FREM1: variants seen among roughly 807,000 people sequenced by gnomAD.
FREM1 encodes FRAS1-related extracellular matrix protein 1.
FREM1 carries 220 observed loss-of-function variants against 210.1 expected under a neutral mutation model. The observed-to-expected ratio is 1.05, with a 90% CI of 0.94 to 1.17. The LOEUF (loss-of-function observed/expected upper bound fraction) is 1.17, where lower values mean the gene tolerates loss of function less well. Among genes scored for constraint, FREM1 ranks in the 50% most tolerant of loss-of-function variants. FREM1 has a pLI of 0.00. For synonymous variants in FREM1, 1,189 were observed against 980.2 expected (o/e 1.21, Z -3.98); for missense variants, 3,454 against 2,675.5 (o/e 1.29, Z -6.42).
chr9:14,825,729 T>C lies in FREM1; in HGVS notation c.1882-737A>G, dbSNP rs191099881. Among the ~76,000 whole-genome samples the C allele has an allele frequency of 2.0e-5, 3 of 151,902 alleles. No homozygotes were observed. In the East Asian group the frequency reaches 5.8e-4, roughly 29 times the overall value. ...GTCATCAATCTTAGAAACCTTGACA[T>C]GAATTTTGGTTCCTCCTTCTCCACC... On this transcript the variant is annotated intron_variant, in intron 10 of 36. Transcript: ENST00000380880.
intron 27 of FREM1, among the ~76,000 whole-genome samples, chr9:14,767,319 A>G (rs1846613929): frequency 6.6e-6 from 1 of 152,170 alleles, no homozygotes; most frequent in African/African-American, 2.4e-5. Flanking sequence ...TGGGTGGCCA[A>G]TGTCTGAAGA....
intron 1 of FREM1, among the ~76,000 whole-genome samples, chr9:14,897,222 C>A (rs141478364): frequency 4.6e-5 from 7 of 152,204 alleles, no homozygotes; most frequent in Admixed American, 2.0e-4. Context: ...ATTTAACCTT[C>A]ACTACAATGT....
chr9:14,783,374 C>T (rs1849925284), intron 24 of FREM1, among the ~76,000 whole-genome samples: 2 of 152,090 alleles, frequency 1.3e-5, no homozygotes, highest in Non-Finnish European at 2.9e-5. Context: ...GGAGTATGCT[C>T]CATTTATGTT....
Position 14,868,791 on chromosome 9 carries a change from C to A in FREM1, c.187G>T (p.Val63Leu). 6.2e-7 allele frequency: 1 copy of A among 1,613,104 alleles called. No homozygotes were observed. Among genetic ancestry groups the A allele is most frequent in the Non-Finnish European group, 8.5e-7 (1 of 1,179,528 alleles). The change falls in exon 2 of 37, where the codon GTG (valine) becomes TTG (leucine). Residue 63 changes from valine (V) to leucine (L), a missense_variant. Physicochemically the swap from Val to Leu is conservative, Grantham distance 32. Transcript: ENST00000380880. Reference protein sequence around the residue: ...KEKDACKVEVVMNEPITQRVG... With the variant: ...KEKDACKVEVLMNEPITQRVG... ...CTCTGGGTTATTGGCTCATTCATCA[C>A]AACTTCCACTTTGCAGGCATCTTTC...
At chr9:14,737,718 G>GA in intron 36 of FREM1, 123 bp from the exon 37 acceptor site, 1 of 734,402 alleles carries the variant, frequency 1.4e-6, no homozygotes, top group South Asian at 3.1e-5. Flanking sequence ...TAAAACAAGG[G>GA]ATAGGAACTT....
At chr9:14,882,452 T>G (rs1012723259) in intron 1 of FREM1, among the ~76,000 whole-genome samples, 2 of 149,792 alleles carry the variant, frequency 1.3e-5, no homozygotes, top group Non-Finnish European at 2.9e-5. Flanking sequence ...ATTTTTTTAA[T>G]TTTCTTCTTA....
At chr9:14,805,356 A>G (rs1471312181) in intron 18 of FREM1, among the ~76,000 whole-genome samples, 2 of 152,240 alleles carry the variant, frequency 1.3e-5, no homozygotes, top group East Asian at 3.8e-4. Context: ...ATACAGAAGA[A>G]TAAAATTTGC....
intron 22 of FREM1, among the ~76,000 whole-genome samples, chr9:14,789,935 A>C (rs773684012): frequency 1.4e-4 from 22 of 152,350 alleles, no homozygotes; most frequent in Middle Eastern, 3.4e-3. Context: ...TTCCCTAGGA[A>C]TGGCTCATAA....
intron 20 of FREM1, among the ~76,000 whole-genome samples, chr9:14,798,351 T>C (rs767094882): frequency 5.3e-5 from 8 of 152,310 alleles, no homozygotes; most frequent in Non-Finnish European, 8.8e-5. Context: ...GGTGAGCGCC[T>C]GTAGTCCTAA....
chr9:14,829,079 A>G (rs530640889), intron 10 of FREM1, among the ~76,000 whole-genome samples: 1 of 152,352 alleles, frequency 6.6e-6, no homozygotes, highest in East Asian at 1.9e-4. Flanking sequence ...AATAAATACT[A>G]CATTCGTCTC....
chr9:14,777,992 T>C (rs187251199), intron 24 of FREM1, among the ~76,000 whole-genome samples: 1 of 152,238 alleles, frequency 6.6e-6, no homozygotes, highest in African/African-American at 2.4e-5. Context: ...TCTGATTTGA[T>C]GCAAAGAAAA....
intron 13 of FREM1, among the ~76,000 whole-genome samples, chr9:14,820,718 C>T (rs1821141883): frequency 6.6e-6 from 1 of 152,198 alleles, no homozygotes; most frequent in South Asian, 2.1e-4. Context: ...TAATCAACTA[C>T]CAATGCAAAA....
intron 25 of FREM1, 142 bp downstream of exon 25, chr9:14,775,647 G>C (rs571862225): frequency 1.7e-6 from 1 of 601,462 alleles, no homozygotes; most frequent in South Asian, 2.2e-5. Flanking sequence ...GGTGGAGATT[G>C]AAGTGAGCCA....
intron 1 of FREM1, among the ~76,000 whole-genome samples, chr9:14,888,057 C>T (rs1226661890): frequency 6.6e-6 from 1 of 152,164 alleles, no homozygotes. Flanking sequence ...CTCAGCCTCC[C>T]AAAGTGCTGG....
At chr9:14,861,136 T>G (rs1338282111) in intron 3 of FREM1, among the ~76,000 whole-genome samples, 1 of 138,484 alleles carries the variant, frequency 7.2e-6, no homozygotes, top group African/African-American at 2.7e-5. Flanking sequence ...TACACATATA[T>G]ACATATATAC....
chr9:14,792,158 G>C (rs1409238045), intron 22 of FREM1, among the ~76,000 whole-genome samples: 6 of 152,136 alleles, frequency 3.9e-5, no homozygotes, highest in Non-Finnish European at 1.5e-5. Flanking sequence ...AGAGGAGCTA[G>C]AGGCAGCCCT....
Position 14,775,863 on chromosome 9 carries a change from C to T in FREM1, c.4783G>A (p.Ala1595Thr). The T allele has an allele frequency of 6.2e-7, 1 of 1,613,920 alleles. No individual in the cohort carries two copies. The highest frequency in any genetic ancestry group is 8.5e-7 in the Non-Finnish European group (1 of 1,179,822). ...AAGCCTTGGTTTGTCCCATCTGTGG[C>T]CATGAAAGTAAAGCAGTCAGTCTGG... ...DSQTDCFTFMATDGTNQGFIV... is the reference protein window; with the variant it reads ...DSQTDCFTFMTTDGTNQGFIV... The change falls in exon 25 of 37, where the codon GCC (alanine) becomes ACC (threonine). Residue 1595 changes from alanine to threonine, a missense_variant. Physicochemically the swap from Ala to Thr is moderately conservative, Grantham distance 58. Transcript: ENST00000380880.
chr9:14,749,879 A>G, intron 30 of FREM1, among the ~76,000 whole-genome samples: 1 of 152,210 alleles, frequency 6.6e-6, no homozygotes, highest in Non-Finnish European at 1.5e-5. Flanking sequence ...GGTGAGAACA[A>G]CAAACGGGTA....
intron 1 of FREM1, among the ~76,000 whole-genome samples, chr9:14,875,839 A>T (rs1414799063): frequency 2.6e-5 from 4 of 152,030 alleles, no homozygotes; most frequent in Non-Finnish European, 5.9e-5. Flanking sequence ...ATGGTGATTT[A>T]CAGATGGGTT....
Sources: gnomAD v4.1 joint callset for allele counts (sites outside exome capture counted in the v4.1 genomes callset) on GRCh38, gnomAD v4.1.1 for gene constraint, MANE v1.5 for transcripts, NCBI Gene and HGNC (gene_info 2026-07-23, HGNC 2026-07-21) for gene names.